Variants in RCOR3 observed in about 807,000 individuals in gnomAD.
RCOR3 encodes REST corepressor 3.
RCOR3 carries 13 observed loss-of-function variants against 64.1 expected under a neutral mutation model. The observed-to-expected ratio is 0.20, with a 90% CI of 0.13 to 0.32. RCOR3 has a LOEUF of 0.32. RCOR3 is among the 10% of genes least tolerant of loss of function. The pLI is 1.00. For missense variants in RCOR3, 489 were observed against 701.2 expected (o/e 0.70, Z 3.42); for synonymous variants, 215 against 239.0 (o/e 0.90, Z 0.93).
chr1:211,271,312 A>G lies in RCOR3; in HGVS notation c.301+3A>G, dbSNP rs757453700. The stretch of plus-strand genomic sequence containing the variant: ...TCACAGTATCCCAGATGCCAAATGT[A>G]AGTTTTCTGAAGTTGAATGTTAATG... On this transcript the variant is annotated splice_donor_region_variant and intron_variant, in intron 3 of 11. Coordinates refer to ENST00000419091, the MANE Select transcript of RCOR3 (RefSeq NM_001136223.3). 3.1e-6 allele frequency: 5 copies of G among 1,609,658 alleles called. No individual in the cohort carries two copies. Among genetic ancestry groups the G allele is most frequent in the Admixed American group, 1.7e-5 (1 of 59,944 alleles).
chr1:211,269,300 C>T (rs1475116517), intron 2 of RCOR3, among the ~76,000 whole-genome samples: 2 of 151,672 alleles, frequency 1.3e-5, no homozygotes. Flanking sequence ...CTTGTCTCTA[C>T]TAAAAATACA....
chr1:211,259,606 C>A lies in RCOR3; in HGVS notation c.46C>A (p.Arg16=), dbSNP rs1693809904. The stretch of plus-strand genomic sequence containing the variant: ...AGGGCCCGAGTTACTGGGGAAGAAC[C>A]GATCGGCCAACGGCAGCGCCAAGAG... ...EKGPELLGKN[R]SANGSAKSPA... Residue 16 remains arginine, a synonymous_variant, in exon 1 of 12, where the codon CGA becomes AGA. Coordinates refer to ENST00000419091, the MANE Select transcript of RCOR3 (RefSeq NM_001136223.3). The A allele has an allele frequency of 6.5e-7, 1 of 1,548,518 alleles. No individual in the cohort carries two copies. The highest frequency in any genetic ancestry group is 8.7e-7 in the Non-Finnish European group (1 of 1,146,158).
Position 211,260,161 on chromosome 1 carries a change from C to A in RCOR3, c.220C>A (p.Pro74Thr). 6.2e-7 allele frequency: 1 copy of A among 1,611,768 alleles called. No individual in the cohort carries two copies. Among genetic ancestry groups the A allele is most frequent in the South Asian group, 1.1e-5 (1 of 90,914 alleles). The stretch of plus-strand genomic sequence containing the variant: ...CCAAGCTCGGATCCCTGAATTTGAT[C>A]CAGGTAGATATATTTGCTTAAGCAA... ...EYQARIPEFD[P>T]GATKYTDKDN... Residue 74 changes from proline to threonine, a missense_variant, in exon 2 of 12, where the codon CCA becomes ACA. Pro to Thr is a conservative substitution (Grantham distance 38). This residue lies in a region of RCOR3 where 402 missense variants were observed against 617.0 expected (regional missense o/e 0.65). Coordinates refer to ENST00000419091, the MANE Select transcript of RCOR3 (RefSeq NM_001136223.3).
chr1:211,308,698 T>TTTTTTTTTTTTTTTTTG (rs1701171863), intron 10 of RCOR3, among the ~76,000 whole-genome samples: 1 of 40,844 alleles, frequency 2.4e-5, no homozygotes, highest in African/African-American at 6.9e-5. Context: ...TTTTTTTTTT[T>TTTTTTTTTTTTTTTTTG]TGTGTAGTCC....
At position 211,270,263 on chromosome 1, in the gene RCOR3, A is replaced by G. The variant is rs555023840; in HGVS notation, c.224-969A>G. ...TTTTTAGTAGAGACGGGATTTCACTATGTAGGCCAGGCTAGTCTTGAACTC... is the reference window on the plus strand; with the variant it reads ...TTTTTAGTAGAGACGGGATTTCACTGTGTAGGCCAGGCTAGTCTTGAACTC... On this transcript the variant is annotated intron_variant, in intron 2 of 11. Transcript: ENST00000419091. Among the ~76,000 whole-genome samples the G allele has an allele frequency of 2.8e-3, 426 of 152,094 alleles. 12 individuals carry two copies. Among genetic ancestry groups the G allele is most frequent in the Non-Finnish European group, 6.0e-4 (41 of 67,978 alleles).
At chr1:211,267,372 A>G (rs564122648) in intron 2 of RCOR3, among the ~76,000 whole-genome samples, 1 of 152,304 alleles carries the variant, frequency 6.6e-6, no homozygotes, top group East Asian at 1.9e-4. Context: ...GGCCTAGTTG[A>G]CACATATATA....
chr1:211,300,928 G>T (rs986436959), intron 9 of RCOR3, among the ~76,000 whole-genome samples: 14 of 151,996 alleles, frequency 9.2e-5, no homozygotes, highest in African/African-American at 3.4e-4. Flanking sequence ...GTGTGTGTGT[G>T]TGTAAAACAC....
intron 2 of RCOR3, among the ~76,000 whole-genome samples, 185 bp from the exon 3 acceptor site, chr1:211,271,047 C>T (rs542951810): frequency 1.3e-5 from 2 of 152,188 alleles, no homozygotes; most frequent in African/African-American, 2.4e-5. Context: ...TTAGTAGAGA[C>T]GGGGTTTCAC....
intron 8 of RCOR3, among the ~76,000 whole-genome samples, chr1:211,292,166 G>A (rs985814526): frequency 6.6e-6 from 1 of 152,138 alleles, no homozygotes; most frequent in Non-Finnish European, 1.5e-5. Flanking sequence ...GTTTGACACT[G>A]TCAGCCATGT....
At chr1:211,280,390 T>C (rs539195390) in intron 7 of RCOR3, among the ~76,000 whole-genome samples, 1 of 152,242 alleles carries the variant, frequency 6.6e-6, no homozygotes, top group Non-Finnish European at 1.5e-5. Context: ...CTGCTAACTC[T>C]TTGAAGTCAG....
Position 211,298,008 on chromosome 1 carries a change from G to C in RCOR3, c.1017+2255G>C, listed in dbSNP as rs537525286. ...TGGTTGTATTTCTTATTTTCATTTAGGGAAAAATGGGTTGAAGAAAGTCCA... is the reference window on the plus strand; with the variant it reads ...TGGTTGTATTTCTTATTTTCATTTACGGAAAAATGGGTTGAAGAAAGTCCA... On this transcript the variant is annotated intron_variant, in intron 9 of 11. Transcript: ENST00000419091. Among the ~76,000 whole-genome samples the C allele has an allele frequency of 8.5e-5, 13 of 152,186 alleles. No homozygotes were observed. The South Asian group carries it at 2.7e-3, about 32-fold the overall frequency.
chr1:211,260,913 A>G (rs531512665), intron 2 of RCOR3: 1 of 152,094 alleles, frequency 6.6e-6, no homozygotes, highest in Admixed American at 6.5e-5. Context: ...CTCCCTGTCT[A>G]CTTTTCTCCA....
intron 2 of RCOR3, 50 bp downstream of exon 2, chr1:211,260,214 G>T (rs1206665630): frequency 2.6e-6 from 4 of 1,566,274 alleles, no homozygotes; most frequent in South Asian, 1.1e-5. Context: ...CCTGGGCTTG[G>T]TTTGGGGTGG....
At chr1:211,289,129 T>TAC in intron 7 of RCOR3, 49 bp from the exon 8 acceptor site, 1 of 1,384,092 alleles carries the variant, frequency 7.2e-7, no homozygotes, top group Non-Finnish European at 1.0e-6. Flanking sequence ...TTTCACTTTA[T>TAC]ACATTTGTGA....
intron 2 of RCOR3, among the ~76,000 whole-genome samples, chr1:211,262,903 G>C (rs1302417074): frequency 6.7e-6 from 1 of 148,928 alleles, no homozygotes; most frequent in Non-Finnish European, 1.5e-5. Context: ...TTAAGTTTTA[G>C]GGTATATGTG....
chr1:211,297,517 T>C (rs901960552), intron 9 of RCOR3, among the ~76,000 whole-genome samples: 2 of 152,170 alleles, frequency 1.3e-5, no homozygotes, highest in African/African-American at 4.8e-5. Flanking sequence ...AGCAAAATTG[T>C]ATATTACATT....
intron 8 of RCOR3, among the ~76,000 whole-genome samples, chr1:211,295,431 A>G (rs540002360): frequency 5.9e-5 from 9 of 152,316 alleles, no homozygotes; most frequent in Admixed American, 4.6e-4. Context: ...AGTTGTTGCT[A>G]AAAGATATTC....
chr1:211,308,904 G>A (rs1701207969), intron 10 of RCOR3, among the ~76,000 whole-genome samples: 1 of 151,184 alleles, frequency 6.6e-6, no homozygotes, highest in Non-Finnish European at 1.5e-5. Flanking sequence ...TAGAAACTGG[G>A]TTTTACCATT....
intron 2 of RCOR3, among the ~76,000 whole-genome samples, chr1:211,269,347 C>T (rs150585989): frequency 0.012 from 1,841 of 152,202 alleles, 14 homozygotes; most frequent in Middle Eastern, 0.071. Context: ...CCTGTAATCC[C>T]AGCACTTTGG....
Sources: gnomAD v4.1 joint callset for allele counts (sites outside exome capture counted in the v4.1 genomes callset) on GRCh38, gnomAD v4.1.1 for gene constraint, gnomAD v4.1.1 regional missense constraint, MANE v1.5 for transcripts, NCBI Gene and HGNC (gene_info 2026-07-23, HGNC 2026-07-21) for gene names.